SNTG1: variants seen among roughly 807,000 people sequenced by gnomAD.
SNTG1 encodes the protein syntrophin gamma 1.
A neutral mutation model predicts 74.7 loss-of-function variants in SNTG1; 39 were observed. That is an observed-to-expected ratio of 0.52 (90% confidence interval 0.40 to 0.68). The LOEUF (loss-of-function observed/expected upper bound fraction) is 0.68, where lower values mean the gene tolerates loss of function less well. Ranked by LOEUF, SNTG1 falls within the 30% of genes least tolerant of loss-of-function variation. The pLI, the probability that SNTG1 is intolerant of heterozygous loss-of-function variation, is 0.00. For synonymous variants in SNTG1, 254 were observed against 217.1 expected, an observed-to-expected ratio of 1.17 and a Z score of -1.49; for missense variants, 685 against 609.5, an observed-to-expected ratio of 1.12 and a Z score of -1.30.
intron 1 of SNTG1, among the ~76,000 whole-genome samples, chr8:49,951,538 C>T (rs1257745871): frequency 3.3e-5 from 5 of 149,592 alleles, no homozygotes; most frequent in African/African-American, 9.9e-5. Context: ...TATTCTCACT[C>T]ATAGGTGGGA....
chr8:50,103,139 A>G lies in SNTG1; in HGVS notation c.-102-69422A>G, dbSNP rs1177771691. ...GATGGGGATGGCATTGAATCTATAA[A>G]TTACCTTGGGCCGTATGGCCATTTT... On this transcript the variant is annotated intron_variant, in intron 1 of 18. Coordinates refer to ENST00000642720, the MANE Select transcript of SNTG1 (RefSeq NM_018967.5). Among the ~76,000 whole-genome samples the G allele has an allele frequency of 8.5e-5, 13 of 152,252 alleles. No individual in the cohort carries two copies. The East Asian group carries it at 2.5e-3, about 29-fold the overall frequency.
At chr8:49,938,944 C>T (rs1808427723) in intron 1 of SNTG1, among the ~76,000 whole-genome samples, 1 of 151,906 alleles carries the variant, frequency 6.6e-6, no homozygotes, top group East Asian at 1.9e-4. Context: ...CACAGTGGTG[C>T]CCTATCACGT....
chr8:50,248,395 C>T (rs2086494241), intron 2 of SNTG1, among the ~76,000 whole-genome samples: 1 of 152,124 alleles, frequency 6.6e-6, no homozygotes, highest in South Asian at 2.1e-4. Context: ...AACTCAATTC[C>T]CCCAAGGACA....
At chr8:50,755,982 G>T (rs2131717395) in intron 18 of SNTG1, among the ~76,000 whole-genome samples, 1 of 150,664 alleles carries the variant, frequency 6.6e-6, no homozygotes, top group South Asian at 2.1e-4. Flanking sequence ...ATATTCTTTG[G>T]TAAGATATCT....
intron 2 of SNTG1, among the ~76,000 whole-genome samples, chr8:50,386,821 C>G (rs2092582382): frequency 6.6e-6 from 1 of 152,108 alleles, no homozygotes; most frequent in African/African-American, 2.4e-5. Context: ...GCCTCCATAA[C>G]ACAAACACTC....
At chr8:50,780,551 C>A (rs541807790) in intron 18 of SNTG1, among the ~76,000 whole-genome samples, 2 of 152,020 alleles carry the variant, frequency 1.3e-5, no homozygotes, top group African/African-American at 4.8e-5. Flanking sequence ...GTGGTGATAT[C>A]CCCTTTATCA....
chr8:50,485,688 G>C (rs2093786006), intron 8 of SNTG1, among the ~76,000 whole-genome samples: 1 of 150,986 alleles, frequency 6.6e-6, no homozygotes, highest in African/African-American at 2.4e-5. Flanking sequence ...GATCCCATTT[G>C]TCAATTTTGG....
intron 1 of SNTG1, among the ~76,000 whole-genome samples, chr8:49,917,137 A>C (rs2129338906): frequency 6.6e-6 from 1 of 152,304 alleles, no homozygotes; most frequent in Non-Finnish European, 1.5e-5. Flanking sequence ...TATGGTTAAA[A>C]ATGCATCCAG....
intron 1 of SNTG1, among the ~76,000 whole-genome samples, chr8:49,935,392 CTT>C (rs35517917): frequency 2.0e-4 from 26 of 132,120 alleles, no homozygotes; most frequent in Non-Finnish European, 2.2e-4. Context: ...CCATTAATTC[CTT>C]TTTTTTTTTT....
intron 13 of SNTG1, among the ~76,000 whole-genome samples, chr8:50,632,995 C>T (rs181540512): frequency 2.6e-4 from 40 of 152,226 alleles, no homozygotes; most frequent in Admixed American, 1.1e-3. Flanking sequence ...TTTGTCAGTG[C>T]GGCTGAAATG....
chr8:49,947,976 C>T (rs975162041), intron 1 of SNTG1, among the ~76,000 whole-genome samples: 2 of 151,844 alleles, frequency 1.3e-5, no homozygotes, highest in Non-Finnish European at 2.9e-5. Flanking sequence ...ACTAAAAATA[C>T]AAAAATTAGC....
chr8:50,228,396 T>C (rs2132043361), intron 2 of SNTG1, among the ~76,000 whole-genome samples: 1 of 151,910 alleles, frequency 6.6e-6, no homozygotes, highest in African/African-American at 2.4e-5. Flanking sequence ...CTTTCCCAAA[T>C]TAGTGACAGA....
At chr8:49,957,558 G>T (rs1336567985) in intron 1 of SNTG1, among the ~76,000 whole-genome samples, 1 of 152,208 alleles carries the variant, frequency 6.6e-6, no homozygotes, top group Non-Finnish European at 1.5e-5. Context: ...GTTTGGGAAG[G>T]ATAGTCCAGC....
At chr8:50,363,385 G>A (rs973630052) in intron 2 of SNTG1, among the ~76,000 whole-genome samples, 8 of 152,170 alleles carry the variant, frequency 5.3e-5, no homozygotes, top group South Asian at 2.1e-4. Flanking sequence ...AGTGGTGGCC[G>A]AAGGTGCAGA....
At chr8:50,322,114 C>CT (rs869251894) in intron 2 of SNTG1, among the ~76,000 whole-genome samples, 2 of 125,588 alleles carry the variant, frequency 1.6e-5, no homozygotes, top group South Asian at 2.7e-4. Context: ...AGCATTTCTT[C>CT]TTTTTTTTAT....
At chr8:50,114,010 C>T (rs16914292) in intron 1 of SNTG1, among the ~76,000 whole-genome samples, 11,493 of 151,916 alleles carry the variant, frequency 0.076, 1,401 homozygotes, top group African/African-American at 0.26. Flanking sequence ...AATCACAAAA[C>T]GACGTTTGAC....
At chr8:50,648,723 A>T (rs1024851350) in intron 13 of SNTG1, among the ~76,000 whole-genome samples, 1 of 152,142 alleles carries the variant, frequency 6.6e-6, no homozygotes, top group South Asian at 2.1e-4. Flanking sequence ...CCTAAAACTT[A>T]GGCATACAGT....
intron 4 of SNTG1, among the ~76,000 whole-genome samples, chr8:50,411,465 A>G (rs887809679): frequency 4.6e-5 from 7 of 151,196 alleles, no homozygotes; most frequent in Non-Finnish European, 8.8e-5. Flanking sequence ...AAAAATAAAA[A>G]GACTCCATCT....
chr8:50,426,007 A>T (rs1362917537), intron 4 of SNTG1, among the ~76,000 whole-genome samples: 1 of 152,168 alleles, frequency 6.6e-6, no homozygotes, highest in South Asian at 2.1e-4. Context: ...ATTATTTAGG[A>T]CAGTTTTAGA....
Sources: allele counts gnomAD v4.1 joint callset (sites outside exome capture counted in the v4.1 genomes callset), GRCh38; gene constraint gnomAD v4.1.1; transcripts MANE v1.5; gene names NCBI Gene and HGNC (gene_info 2026-07-23, HGNC 2026-07-21).